Variants in MRTFB observed in about 807,000 individuals in gnomAD.
MRTFB encodes myocardin-related transcription factor B.
In MRTFB, 29 loss-of-function variants were observed where a neutral mutation model predicts 104.2. The observed-to-expected ratio is 0.28, with a 90% CI of 0.21 to 0.38. The LOEUF is 0.38. MRTFB is among the 10% of genes least tolerant of loss of function. The pLI is 1.00. For synonymous variants in MRTFB, 535 were observed against 519.5 expected, an observed-to-expected ratio of 1.03 and a Z score of -0.41; for missense variants, 1,270 against 1,341.6, an observed-to-expected ratio of 0.95 and a Z score of 0.83.
the MRTFB span, among the ~76,000 whole-genome samples, chr16:14,031,345 G>C: frequency 2.0e-5 from 3 of 150,842 alleles, no homozygotes; most frequent in African/African-American, 7.3e-5. Flanking sequence ...AGTGAGCCGA[G>C]ATTGTGCCAC....
chr16:14,057,567 G>C, the MRTFB span, among the ~76,000 whole-genome samples: 1 of 152,068 alleles, frequency 6.6e-6, no homozygotes, highest in Non-Finnish European at 1.5e-5. Context: ...AATACAAAAA[G>C]CCAAGCTTAC....
intron 8 of MRTFB, among the ~76,000 whole-genome samples, chr16:14,232,295 G>C (rs1053724972): frequency 6.6e-6 from 1 of 152,182 alleles, no homozygotes; most frequent in African/African-American, 2.4e-5. Flanking sequence ...CACTGACCCA[G>C]AGATAAGTAT....
chr16:14,072,167 A>G lies in MRTFB; in HGVS notation c.-129+802A>G, dbSNP rs577606373. ...AGCACGCGATTCCACTCTTGGGAACAGTGGTTCTCAACCTCGTCAGAATCA... is the reference window on the plus strand; with the variant it reads ...AGCACGCGATTCCACTCTTGGGAACGGTGGTTCTCAACCTCGTCAGAATCA... On this transcript the variant is annotated intron_variant, in intron 1 of 16. Coordinates refer to ENST00000571589, the MANE Select transcript of MRTFB (RefSeq NM_001308142.2). Among the ~76,000 whole-genome samples the G allele has an allele frequency of 6.6e-5, 10 of 152,354 alleles. No homozygotes were observed. The East Asian group carries it at 1.7e-3, about 26-fold the overall frequency.
At chr16:14,012,027 G>A in the MRTFB span, among the ~76,000 whole-genome samples, 1 of 152,244 alleles carries the variant, frequency 6.6e-6, no homozygotes, top group East Asian at 1.9e-4. Flanking sequence ...CCTGAAAAAT[G>A]TCTGGTCTTA....
At chr16:14,039,218 C>A in the MRTFB span, among the ~76,000 whole-genome samples, 2 of 152,144 alleles carry the variant, frequency 1.3e-5, no homozygotes, top group East Asian at 3.9e-4. Context: ...GTTGGGGGAG[C>A]CCTCAGCTCC....
At chr16:14,223,273 A>G (rs1661724680) in intron 8 of MRTFB, among the ~76,000 whole-genome samples, 1 of 152,020 alleles carries the variant, frequency 6.6e-6, no homozygotes, top group African/African-American at 2.4e-5. Flanking sequence ...TCATACCACT[A>G]TACTCTAGCC....
intron 3 of MRTFB, among the ~76,000 whole-genome samples, chr16:14,189,798 T>C (rs372434886): frequency 1.3e-4 from 20 of 152,306 alleles, no homozygotes; most frequent in African/African-American, 4.6e-4. Flanking sequence ...GTGTCCACTC[T>C]CAGGGCTTGG....
intron 2 of MRTFB, among the ~76,000 whole-genome samples, chr16:14,124,919 C>T (rs765155190): frequency 3.9e-5 from 6 of 152,166 alleles, no homozygotes; most frequent in Admixed American, 1.3e-4. Flanking sequence ...TTAACCACTA[C>T]AGTATTTCCT....
the MRTFB span, among the ~76,000 whole-genome samples, chr16:14,018,348 A>G: frequency 6.6e-6 from 1 of 152,218 alleles, no homozygotes; most frequent in Non-Finnish European, 1.5e-5. Flanking sequence ...ACATGAGTTC[A>G]TTTAGGCAAG....
chr16:14,090,879 G>GGTGTGTGTGTGTGTGTGTGTGT lies in MRTFB; in HGVS notation c.-64+11546_-64+11567dup, dbSNP rs55685117. Among the ~76,000 whole-genome samples the GGTGTGTGTGTGTGTGTGTGTGT allele has an allele frequency of 3.5e-5, 5 of 141,788 alleles. No individual in the cohort carries two copies. In the East Asian group the frequency reaches 8.4e-4, roughly 24 times the overall value. 93.0% of individuals were successfully genotyped at this position (141,788 alleles called of 152,430 possible). ...CAGGTTTTCAAAATCAGTTCAGCATGGTGTGTGTGTGTGTGTGTGTGTGTG... is the reference window on the plus strand; with the variant it reads ...CAGGTTTTCAAAATCAGTTCAGCATGGTGTGTGTGTGTGTGTGTGTGTGTGTGTGTGTGTGTGTGTGTGTGTG... On this transcript the variant is annotated intron_variant, in intron 2 of 16. Coordinates refer to ENST00000571589, the MANE Select transcript of MRTFB (RefSeq NM_001308142.2).
chr16:14,252,556 C>G (rs973890535), intron 15 of MRTFB, 54 bp downstream of exon 15: 1 of 1,600,462 alleles, frequency 6.2e-7, no homozygotes, highest in South Asian at 1.1e-5. Context: ...TGCCCACGTT[C>G]AGTCTCGAGC....
chr16:14,039,446 C>CA, the MRTFB span, among the ~76,000 whole-genome samples: 2 of 152,068 alleles, frequency 1.3e-5, no homozygotes. Flanking sequence ...TGGGAGGGAA[C>CA]AACACAAGGA....
chr16:14,258,981 G>A lies in MRTFB; in HGVS notation c.2764+820G>A, dbSNP rs931118414. ...AGTCTTAAAATTACCCTGATGAAAG[G>A]AGTTTTATTTGAATTTTCAAATAGT... On this transcript the variant is annotated intron_variant, in intron 16 of 16. Transcript: ENST00000571589. 2.6e-5 allele frequency among the ~76,000 whole-genome samples: 4 copies of A among 152,038 alleles called. No individual in the cohort carries two copies. The East Asian group carries it at 7.7e-4, about 29-fold the overall frequency.
At chr16:14,244,549 T>C (rs914500467) in intron 10 of MRTFB, among the ~76,000 whole-genome samples, 1 of 152,238 alleles carries the variant, frequency 6.6e-6, no homozygotes, top group Non-Finnish European at 1.5e-5. Flanking sequence ...TGTGTGATTG[T>C]TCTGGTTGTC....
chr16:14,213,579 G>T lies in MRTFB; in HGVS notation c.311G>T (p.Arg104Leu). The T allele has an allele frequency of 6.2e-7, 1 of 1,603,820 alleles. No homozygotes were observed. Among genetic ancestry groups the T allele is most frequent in the South Asian group, 1.1e-5 (1 of 88,774 alleles). Residue 104 changes from arginine to leucine, a missense_variant, in exon 6 of 17, where the codon CGA becomes CTA. Arg to Leu is a moderately radical substitution (Grantham distance 102). Transcript: ENST00000571589. ...TTTTTGAAACACAAGATTCGGAGTC[G>T]ACCAGATCGTTCTGAACTTGTCAGG... is the stretch of plus-strand genomic sequence containing the variant. ...ENFLKHKIRSRPDRSELVRMH... is the reference protein window; with the variant it reads ...ENFLKHKIRSLPDRSELVRMH...
At chr16:14,153,884 T>A (rs1350193630) in intron 3 of MRTFB, among the ~76,000 whole-genome samples, 2 of 152,188 alleles carry the variant, frequency 1.3e-5, no homozygotes, top group Non-Finnish European at 1.5e-5. Context: ...AATTAGAGAG[T>A]AATGTTGAAA....
At chr16:14,242,452 A>G (rs13336672) in intron 10 of MRTFB, among the ~76,000 whole-genome samples, 4,030 of 152,298 alleles carry the variant, frequency 0.026, 194 homozygotes, top group African/African-American at 0.092. Flanking sequence ...GTCCTGTTCA[A>G]TTTCCAGATC....
At chr16:14,001,667 C>T in the MRTFB span, among the ~76,000 whole-genome samples, 2 of 152,248 alleles carry the variant, frequency 1.3e-5, no homozygotes, top group African/African-American at 4.8e-5. Flanking sequence ...TGGCTTCTGT[C>T]ATCCCAGGGA....
At chr16:14,244,624 T>A (rs2042934826) in intron 10 of MRTFB, among the ~76,000 whole-genome samples, 1 of 152,230 alleles carries the variant, frequency 6.6e-6, no homozygotes, top group Non-Finnish European at 1.5e-5. Flanking sequence ...GCTATTCTGT[T>A]GTGATTTGCA....
Sources: gnomAD v4.1 joint callset for allele counts (sites outside exome capture counted in the v4.1 genomes callset) on GRCh38, gnomAD v4.1.1 for gene constraint, MANE v1.5 for transcripts, NCBI Gene and HGNC (gene_info 2026-07-23, HGNC 2026-07-21) for gene names.